Variants in FRMD6 observed in about 807,000 individuals in gnomAD.
The protein encoded by FRMD6 is FERM domain containing 6, also known as FERM domain-containing protein 6.
In FRMD6, 37 loss-of-function variants were observed where a neutral mutation model predicts 73.2. The observed-to-expected ratio is 0.51, with a 90% confidence interval of 0.39 to 0.66. FRMD6 has a LOEUF of 0.66. Among genes scored for constraint, FRMD6 ranks in the 30% least tolerant of loss-of-function variants. The pLI is 0.00. For missense variants in FRMD6, 714 were observed against 780.5 expected (o/e 0.91, Z 1.02); for synonymous variants, 273 against 282.2 (o/e 0.97, Z 0.33).
the FRMD6 span, among the ~76,000 whole-genome samples, chr14:51,418,390 G>A: frequency 2.0e-5 from 3 of 152,168 alleles, no homozygotes; most frequent in African/African-American, 7.2e-5. Flanking sequence ...CCGTTTGTTA[G>A]TTTTCCTTCC....
chr14:51,659,072 A>G (rs573659365), intron 1 of FRMD6, among the ~76,000 whole-genome samples: 2 of 152,336 alleles, frequency 1.3e-5, no homozygotes, highest in South Asian at 4.1e-4. Context: ...AAGACAGCAT[A>G]GAAGAGGGAT....
intron 2 of FRMD6, among the ~76,000 whole-genome samples, chr14:51,615,267 C>G (rs1890665468): frequency 6.6e-6 from 1 of 152,122 alleles, no homozygotes; most frequent in Non-Finnish European, 1.5e-5. Flanking sequence ...ATTTTAATTT[C>G]TAAAACTGTA....
chr14:51,702,268 A>G (rs546534694), intron 4 of FRMD6, among the ~76,000 whole-genome samples: 19 of 152,130 alleles, frequency 1.2e-4, no homozygotes, highest in Non-Finnish European at 2.5e-4. Flanking sequence ...TTGGCATTAC[A>G]GTGAATGAAA....
chr14:51,557,830 G>A (rs1887231735), intron 1 of FRMD6, among the ~76,000 whole-genome samples: 1 of 152,094 alleles, frequency 6.6e-6, no homozygotes, highest in Admixed American at 6.6e-5. Context: ...GGAGGAGGGT[G>A]AGGTTGGAAA....
At chr14:51,715,871 C>T (rs933816235) in intron 10 of FRMD6, among the ~76,000 whole-genome samples, 5 of 152,216 alleles carry the variant, frequency 3.3e-5, no homozygotes, top group African/African-American at 9.7e-5. Flanking sequence ...TACACTGACC[C>T]ACCTTAGTGC....
At chr14:51,580,660 A>G (rs1370760946) in intron 2 of FRMD6, among the ~76,000 whole-genome samples, 2 of 152,188 alleles carry the variant, frequency 1.3e-5, no homozygotes, top group Non-Finnish European at 2.9e-5. Flanking sequence ...AAGCAACACA[A>G]TGTTTTCTGT....
At chr14:51,443,943 G>GTGTT in the FRMD6 span, among the ~76,000 whole-genome samples, 1 of 140,724 alleles carries the variant, frequency 7.1e-6, no homozygotes, top group Non-Finnish European at 1.5e-5. Flanking sequence ...CAAGTTGTGA[G>GTGTT]TTTTTTTTTT....
chr14:51,588,018 T>C (rs945985586), intron 2 of FRMD6, among the ~76,000 whole-genome samples: 3 of 151,940 alleles, frequency 2.0e-5, no homozygotes, highest in African/African-American at 7.3e-5. Context: ...TCTTTCGTTT[T>C]CATTATGTTC....
At chr14:51,713,132 T>C (rs1341391108) in intron 9 of FRMD6, among the ~76,000 whole-genome samples, 2 of 152,150 alleles carry the variant, frequency 1.3e-5, no homozygotes, top group African/African-American at 2.4e-5. Flanking sequence ...CAAAGAATTA[T>C]AGTTAATAAT....
intron 2 of FRMD6, among the ~76,000 whole-genome samples, chr14:51,606,812 A>C (rs888445424): frequency 6.6e-6 from 1 of 152,126 alleles, no homozygotes; most frequent in Non-Finnish European, 1.5e-5. Flanking sequence ...GGCTCAGCCC[A>C]AGTCCTAAGG....
intron 1 of FRMD6, among the ~76,000 whole-genome samples, chr14:51,566,160 G>A (rs1240216727): frequency 6.6e-6 from 1 of 152,192 alleles, no homozygotes; most frequent in Non-Finnish European, 1.5e-5. Flanking sequence ...GGGAGACTCT[G>A]TCTCAAGACA....
At chr14:51,445,709 C>G in the FRMD6 span, among the ~76,000 whole-genome samples, 24 of 152,114 alleles carry the variant, frequency 1.6e-4, no homozygotes, top group Non-Finnish European at 2.8e-4. Flanking sequence ...GACATCATCT[C>G]CCCAAGTGCT....
At chr14:51,620,289 C>G (rs1195987835) in intron 2 of FRMD6, among the ~76,000 whole-genome samples, 1 of 152,022 alleles carries the variant, frequency 6.6e-6, no homozygotes, top group Non-Finnish European at 1.5e-5. Flanking sequence ...GAAAGAAATC[C>G]ATCAAGGGCA....
chr14:51,715,620 A>T (rs1897196424), intron 10 of FRMD6, 121 bp downstream of exon 10: 1 of 722,742 alleles, frequency 1.4e-6, no homozygotes, highest in Admixed American at 3.1e-5. Flanking sequence ...CTCCAGATTG[A>T]GAGCAGCATT....
chr14:51,572,971 T>A (rs1888209720), intron 2 of FRMD6, among the ~76,000 whole-genome samples: 1 of 152,192 alleles, frequency 6.6e-6, no homozygotes, highest in Non-Finnish European at 1.5e-5. Context: ...ATTCTTAGGT[T>A]TTATCATATG....
At chr14:51,619,891 G>C (rs1426645747) in intron 2 of FRMD6, among the ~76,000 whole-genome samples, 1 of 152,136 alleles carries the variant, frequency 6.6e-6, no homozygotes, top group Non-Finnish European at 1.5e-5. Flanking sequence ...AACAGACAAG[G>C]CCTTTCCTTA....
the FRMD6 span, among the ~76,000 whole-genome samples, chr14:51,415,481 C>G: frequency 2.6e-5 from 4 of 152,108 alleles, no homozygotes; most frequent in African/African-American, 9.7e-5. Context: ...GTTGAACCAG[C>G]CTTGCATCCC....
chr14:51,491,695 G>A (rs1325462875), intron 1 of FRMD6, among the ~76,000 whole-genome samples: 1 of 152,186 alleles, frequency 6.6e-6, no homozygotes, highest in East Asian at 1.9e-4. Context: ...CCTTTTCTCT[G>A]CTGCTGGGGG....
rs1897448264 is a variant in FRMD6 at position 51,720,040 on chromosome 14, T to C, written c.1025-15T>C. Reference sequence around the variant, plus strand: ...CTTCTGTCTTGGTTAATGAACTGTGTTCCCCACCACGTAGAGAAGAAGCAG... The same window carrying C: ...CTTCTGTCTTGGTTAATGAACTGTGCTCCCCACCACGTAGAGAAGAAGCAG... On this transcript the variant is annotated splice_polypyrimidine_tract_variant and intron_variant, in intron 10 of 13. Transcript: ENST00000344768. 1 of 1,596,146 alleles carries C rather than the reference T, an allele frequency of 6.3e-7. No homozygotes were observed. Among genetic ancestry groups the C allele is most frequent in the African/African-American group, 1.3e-5 (1 of 74,564 alleles).
Sources: allele counts gnomAD v4.1 joint callset (sites outside exome capture counted in the v4.1 genomes callset), GRCh38; gene constraint gnomAD v4.1.1; transcripts MANE v1.5; gene names NCBI Gene and HGNC (gene_info 2026-07-23, HGNC 2026-07-21).